The following ANKRD18A variants were observed in gnomAD, a reference collection of about 807,000 sequenced individuals.
ANKRD18A encodes the protein ankyrin repeat domain 18A, also known as ankyrin repeat domain-containing protein 18A.
A neutral mutation model predicts 110.6 loss-of-function variants in ANKRD18A; 72 were observed. The observed-to-expected ratio is 0.65, with a 90% CI of 0.54 to 0.79. The LOEUF is 0.79. Among genes scored for constraint, ANKRD18A ranks in the 30% least tolerant of loss-of-function variants. The pLI is 0.00. For synonymous variants in ANKRD18A, 305 were observed against 410.3 expected, an observed-to-expected ratio of 0.74 and a Z score of 3.10; for missense variants, 934 against 1,163.3, an observed-to-expected ratio of 0.80 and a Z score of 2.87.
chr9:38,606,638 G>A (rs1405631319), intron 6 of ANKRD18A, among the ~76,000 whole-genome samples: 7 of 152,274 alleles, frequency 4.6e-5, no homozygotes, highest in African/African-American at 1.7e-4. Flanking sequence ...TTTGGAAGGA[G>A]TCAAAGTTAT....
Position 38,620,206 on chromosome 9 carries a change from C to A in ANKRD18A, c.80G>T (p.Gly27Val), listed in dbSNP as rs1355642426. 1 of 1,552,866 alleles carries A rather than the reference C, an allele frequency of 6.4e-7. No individual in the cohort carries two copies. Among genetic ancestry groups the A allele is most frequent in the Non-Finnish European group, 8.7e-7 (1 of 1,147,614 alleles). Residue 27 changes from glycine (G) to valine (V), a missense_variant, in exon 1 of 16, where the codon GGT (glycine) becomes GTT (valine). By Grantham distance (109) the Gly-to-Val change is moderately radical (BLOSUM62 -3). Coordinates refer to ENST00000399703, the MANE Select transcript of ANKRD18A (RefSeq NM_147195.4). ...SSMDQEYAGP[G>V]YDIRDWELRK... ...CAGTTCCCAGTCCCGAATGTCGTAA[C>A]CCGGACCCGCATACTCTTGGTCCAT...
chr9:38,594,299 C>T (rs997279759), intron 9 of ANKRD18A, among the ~76,000 whole-genome samples: 3 of 152,168 alleles, frequency 2.0e-5, no homozygotes, highest in Non-Finnish European at 4.4e-5. Context: ...TCAGCTCCTA[C>T]AACTCTGTCC....
intron 7 of ANKRD18A, among the ~76,000 whole-genome samples, chr9:38,601,993 A>C (rs1054503947): frequency 9.2e-6 from 1 of 108,692 alleles, no homozygotes; most frequent in South Asian, 2.8e-4. Context: ...CAAAAACAGA[A>C]AAAAAAAAAA....
chr9:38,568,844 A>C, downstream of ANKRD18A: 1 of 985,386 alleles, frequency 1.0e-6, no homozygotes, highest in Non-Finnish European at 1.2e-6. Flanking sequence ...ATGAGGCCCA[A>C]CTGGGCCAGG....
intron 15 of ANKRD18A, among the ~76,000 whole-genome samples, chr9:38,575,089 A>G (rs1486008682): frequency 1.6e-5 from 2 of 124,536 alleles, no homozygotes; most frequent in Non-Finnish European, 3.2e-5. Context: ...GCAAGACACC[A>G]TCTCAAAAAA....
intron 8 of ANKRD18A, among the ~76,000 whole-genome samples, chr9:38,600,317 A>T (rs1318920263): frequency 6.6e-6 from 1 of 152,184 alleles, no homozygotes; most frequent in African/African-American, 2.4e-5. Context: ...GTGAATTCAT[A>T]TTTCTAGGAT....
In ANKRD18A at chr9:38,584,919, C is replaced by T. The variant is rs145654869; in HGVS notation, c.2247+1264G>A. ...TCTTATAATGTGGTTTACTTTCTAA[C>T]CTGATTCTGGTACAGCATCACAGAG... On this transcript the variant is annotated intron_variant, in intron 12 of 15. Coordinates refer to ENST00000399703, the MANE Select transcript of ANKRD18A (RefSeq NM_147195.4). Among the ~76,000 whole-genome samples, 1,262 of 152,166 alleles carry T rather than the reference C, an allele frequency of 8.3e-3. 14 individuals carry two copies. The highest frequency in any genetic ancestry group is 0.029 in the African/African-American group (1,186 of 41,500).
intron 10 of ANKRD18A, among the ~76,000 whole-genome samples, chr9:38,591,029 C>T (rs1436571789): frequency 1.3e-5 from 2 of 152,068 alleles, no homozygotes; most frequent in African/African-American, 2.4e-5. Flanking sequence ...GGCTTGATCA[C>T]CGCTCACTGC....
chr9:38,596,910 A>T (rs895156273), intron 8 of ANKRD18A, among the ~76,000 whole-genome samples: 3 of 152,190 alleles, frequency 2.0e-5, no homozygotes, highest in African/African-American at 7.2e-5. Context: ...TGTAAGAATT[A>T]CATTTACTAA....
intron 12 of ANKRD18A, among the ~76,000 whole-genome samples, chr9:38,582,791 T>C (rs3124036): frequency 1.3e-4 from 20 of 152,338 alleles, no homozygotes; most frequent in African/African-American, 4.6e-4. Flanking sequence ...TTTTCTTAGC[T>C]ATGACTCCAA....
At chr9:38,574,860 C>T (rs1327635859) in intron 15 of ANKRD18A, among the ~76,000 whole-genome samples, 1 of 152,012 alleles carries the variant, frequency 6.6e-6, no homozygotes, top group Non-Finnish European at 1.5e-5. Context: ...CTTTGGGAGG[C>T]TGAGGTGGGT....
At chr9:38,617,275 A>C (rs538544738) in intron 1 of ANKRD18A, among the ~76,000 whole-genome samples, 2 of 152,092 alleles carry the variant, frequency 1.3e-5, no homozygotes, top group African/African-American at 4.8e-5. Context: ...CTCTGTCTCT[A>C]CTAAAACTAC....
At chr9:38,569,884 T>C (rs2381843), downstream of ANKRD18A, among the ~76,000 whole-genome samples, 1 of 152,168 alleles carries the variant, frequency 6.6e-6, no homozygotes, top group East Asian at 1.9e-4. Context: ...CTGGCACCCT[T>C]TCTAGGTGGA....
chr9:38,596,431 T>C, intron 8 of ANKRD18A, 28 bp from the exon 9 acceptor site: 1 of 1,397,812 alleles, frequency 7.2e-7, no homozygotes, highest in Non-Finnish European at 9.4e-7. Flanking sequence ...AATTTTTAGT[T>C]AGCACTCAAT....
intron 3 of ANKRD18A, among the ~76,000 whole-genome samples, chr9:38,613,808 T>C (rs17533966): frequency 0.052 from 7,980 of 152,278 alleles, 303 homozygotes; most frequent in South Asian, 0.1. Context: ...ACCGATCTAA[T>C]TGAGAAAATC....
intron 10 of ANKRD18A, among the ~76,000 whole-genome samples, chr9:38,590,247 T>C (rs1824586651): frequency 6.6e-6 from 1 of 151,874 alleles, no homozygotes; most frequent in Admixed American, 6.6e-5. Flanking sequence ...GTCCATTTTT[T>C]CTTTTTCTTT....
intron 12 of ANKRD18A, among the ~76,000 whole-genome samples, chr9:38,578,490 C>A (rs1248104580): frequency 6.6e-6 from 1 of 152,096 alleles, no homozygotes; most frequent in Non-Finnish European, 1.5e-5. Context: ...TCATCATTCC[C>A]CAAAATTTGT....
Position 38,571,877 on chromosome 9 carries a change from G to A in ANKRD18A, c.*168C>T, listed in dbSNP as rs1020964040. ...ATTCTACTTTAGTAAAGATTATGAT[G>A]TTTTATATTATATGAGAAACAATTA... On this transcript the variant is annotated 3_prime_UTR_variant, in exon 16 of 16. Coordinates refer to ENST00000399703, the MANE Select transcript of ANKRD18A (RefSeq NM_147195.4). 7.4e-6 allele frequency: 10 copies of A among 1,346,128 alleles called. No homozygotes were observed. Among genetic ancestry groups the A allele is most frequent in the East Asian group, 6.1e-5 (2 of 32,802 alleles). 83.4% of individuals were successfully genotyped at this position (1,346,128 alleles called of 1,614,324 possible).
chr9:38,618,765 CA>C (rs1825957738), intron 1 of ANKRD18A, among the ~76,000 whole-genome samples: 1 of 151,834 alleles, frequency 6.6e-6, no homozygotes, highest in South Asian at 2.1e-4. Context: ...TGTGAATCTG[CA>C]AAAAGTGCTT....
Sources: gnomAD v4.1 joint callset for allele counts (sites outside exome capture counted in the v4.1 genomes callset) on GRCh38, gnomAD v4.1.1 for gene constraint, MANE v1.5 for transcripts, NCBI Gene and HGNC (gene_info 2026-07-23, HGNC 2026-07-21) for gene names.